The following NEK7 variants were observed in gnomAD, a reference collection of about 807,000 sequenced individuals.
NEK7 encodes serine/threonine-protein kinase Nek7.
Under a neutral mutation model 44.6 loss-of-function variants are expected in NEK7, and 18 were observed. The ratio of observed to expected loss-of-function variants is 0.40; its 90% CI spans 0.28 to 0.60. NEK7 has a LOEUF of 0.60. NEK7 is among the 20% of genes least tolerant of loss of function. NEK7 has a pLI of 0.38. For synonymous variants in NEK7, 130 were observed against 121.1 expected (o/e 1.07, Z -0.48); for missense variants, 256 against 366.5 (o/e 0.70, Z 2.46).
intron 7 of NEK7, among the ~76,000 whole-genome samples, chr1:198,292,569 TATC>T (rs1437403400): frequency 6.6e-6 from 1 of 152,018 alleles, no homozygotes. Context: ...TTAAATAAAT[TATC>T]ATGCTTAATT....
chr1:198,255,877 A>G (rs920964353), intron 3 of NEK7, among the ~76,000 whole-genome samples: 3 of 152,134 alleles, frequency 2.0e-5, no homozygotes, highest in Admixed American at 6.6e-5. Flanking sequence ...AGACATATTG[A>G]TTCTTGTGAC....
rs1044349206 is a variant in NEK7, at chr1:198,266,703, T to C, written c.372+2468T>C. On this transcript the variant is annotated intron_variant, in intron 5 of 9. Coordinates refer to ENST00000367385, the MANE Select transcript of NEK7 (RefSeq NM_133494.3). ...TACCTGTCTTACAGTGTTGTTATGATGGTTAAGTAATATAATATATAGTAT... is the reference window on the plus strand; with the variant it reads ...TACCTGTCTTACAGTGTTGTTATGACGGTTAAGTAATATAATATATAGTAT... Among the ~76,000 whole-genome samples, 8 of 152,212 alleles carry C rather than the reference T, an allele frequency of 5.3e-5. 1 individual carries two copies. The South Asian group carries it at 1.2e-3, about 24-fold the overall frequency.
intron 1 of NEK7, among the ~76,000 whole-genome samples, chr1:198,202,965 C>T (rs747546381): frequency 1.3e-5 from 2 of 152,130 alleles, no homozygotes; most frequent in African/African-American, 2.4e-5. Flanking sequence ...ATTGGGAAAA[C>T]ACCTTTCTAC....
At chr1:198,266,899 C>G (rs1653671605) in intron 5 of NEK7, among the ~76,000 whole-genome samples, 1 of 151,976 alleles carries the variant, frequency 6.6e-6, no homozygotes, top group South Asian at 2.1e-4. Context: ...CAAATCTACC[C>G]TTTTCTACTC....
At chr1:198,203,389 T>C (rs904329648) in intron 1 of NEK7, among the ~76,000 whole-genome samples, 3 of 152,250 alleles carry the variant, frequency 2.0e-5, no homozygotes, top group Non-Finnish European at 4.4e-5. Context: ...CTTACTTACA[T>C]GGACTTGCTT....
intron 9 of NEK7, among the ~76,000 whole-genome samples, chr1:198,307,062 A>G (rs1304292034): frequency 6.6e-6 from 1 of 152,154 alleles, no homozygotes; most frequent in Admixed American, 6.6e-5. Context: ...ATAGAAGGGA[A>G]TGTAAATGTA....
At chr1:198,225,011 T>G (rs1666173347) in intron 1 of NEK7, among the ~76,000 whole-genome samples, 1 of 152,000 alleles carries the variant, frequency 6.6e-6, no homozygotes, top group Non-Finnish European at 1.5e-5. Context: ...GCAGTGAAGA[T>G]ACAAATTTCA....
chr1:198,291,339 A>G (rs1477268472), intron 7 of NEK7, among the ~76,000 whole-genome samples: 1 of 152,128 alleles, frequency 6.6e-6, no homozygotes, highest in Non-Finnish European at 1.5e-5. Context: ...TTAAATGGAG[A>G]GAATGTGTGA....
At chr1:198,317,051 A>G (rs1655391200) in intron 9 of NEK7, among the ~76,000 whole-genome samples, 1 of 152,066 alleles carries the variant, frequency 6.6e-6, no homozygotes, top group Non-Finnish European at 1.5e-5. Context: ...CTTTCTTTTT[A>G]TACTTTATTA....
At chr1:198,197,177 G>A (rs1665265069) in intron 1 of NEK7, among the ~76,000 whole-genome samples, 2 of 152,180 alleles carry the variant, frequency 1.3e-5, no homozygotes, top group South Asian at 4.1e-4. Flanking sequence ...ATAAATTTCT[G>A]TAATGTAATT....
chr1:198,266,248 A>G (rs59882354), intron 5 of NEK7, among the ~76,000 whole-genome samples: 2 of 151,950 alleles, frequency 1.3e-5, no homozygotes, highest in African/African-American at 4.8e-5. Flanking sequence ...TCTATTGTCT[A>G]TTTCTATTAC....
chr1:198,212,996 G>A (rs1028103497), intron 1 of NEK7, among the ~76,000 whole-genome samples: 3 of 152,140 alleles, frequency 2.0e-5, no homozygotes, highest in Admixed American at 6.5e-5. Flanking sequence ...AACACACTAA[G>A]GCTCTTTCTA....
intron 3 of NEK7, among the ~76,000 whole-genome samples, chr1:198,261,371 C>T (rs767458753): frequency 4.0e-5 from 6 of 151,884 alleles, no homozygotes; most frequent in Admixed American, 6.6e-5. Context: ...TCTTTTTGAG[C>T]CTCAATCCTC....
intron 5 of NEK7, among the ~76,000 whole-genome samples, chr1:198,271,922 TATACACACAC>T (rs1172800446): frequency 6.9e-6 from 1 of 145,030 alleles, no homozygotes. Context: ...TATATATATA[TATACACACAC>T]ACACACACAC....
chr1:198,263,959 T>A (rs1653566174), intron 4 of NEK7, among the ~76,000 whole-genome samples, 166 bp from the exon 5 acceptor site: 1 of 152,016 alleles, frequency 6.6e-6, no homozygotes, highest in Non-Finnish European at 1.5e-5. Context: ...TTACTTTTAA[T>A]AATTGTAATA....
chr1:198,265,137 G>A (rs972580113), intron 5 of NEK7, among the ~76,000 whole-genome samples: 1 of 152,054 alleles, frequency 6.6e-6, no homozygotes, highest in Non-Finnish European at 1.5e-5. Context: ...AAGAGTACAT[G>A]CTGGCTTTAT....
intron 2 of NEK7, among the ~76,000 whole-genome samples, chr1:198,251,123 A>G (rs7539878): frequency 0.14 from 20,754 of 151,602 alleles, 2,088 homozygotes; most frequent in East Asian, 0.57. Context: ...CCTTTTCTGC[A>G]TCTATTGAGA....
intron 7 of NEK7, among the ~76,000 whole-genome samples, chr1:198,291,640 CT>C (rs900773142): frequency 1.6e-4 from 24 of 148,248 alleles, no homozygotes; most frequent in East Asian, 7.8e-4. Context: ...TGTTTGCATA[CT>C]TTTTTTTTTA....
chr1:198,158,668 G>C (rs1174048986), intron 1 of NEK7, among the ~76,000 whole-genome samples: 1 of 152,214 alleles, frequency 6.6e-6, no homozygotes, highest in Non-Finnish European at 1.5e-5. Flanking sequence ...CTAATGCTTT[G>C]TGGCAACTCT....
Sources: gnomAD v4.1 joint callset for allele counts (sites outside exome capture counted in the v4.1 genomes callset) on GRCh38, gnomAD v4.1.1 for gene constraint, MANE v1.5 for transcripts, NCBI Gene and HGNC (gene_info 2026-07-23, HGNC 2026-07-21) for gene names.